The following KIRREL3 variants were observed in gnomAD, a reference collection of about 807,000 sequenced individuals.
The protein encoded by KIRREL3 is kin of IRRE-like protein 3.
KIRREL3 carries 36 observed loss-of-function variants against 89.7 expected under a neutral mutation model. The observed-to-expected ratio is 0.40, with a 90% CI of 0.31 to 0.53. The LOEUF is 0.53. Ranked by LOEUF, KIRREL3 falls within the 20% of genes least tolerant of loss-of-function variation. The pLI, the probability that KIRREL3 is intolerant of heterozygous loss-of-function variation, is 0.49. For missense variants in KIRREL3, 864 were observed against 1,056.6 expected (o/e 0.82, Z 2.53); for synonymous variants, 445 against 441.4 (o/e 1.01, Z -0.10).
chr11:126,690,197 G>C (rs1158379619), intron 1 of KIRREL3, among the ~76,000 whole-genome samples: 1 of 152,180 alleles, frequency 6.6e-6, no homozygotes, highest in African/African-American at 2.4e-5. Context: ...CACTGGCAGT[G>C]AGTGTTTATG....
chr11:126,929,839 G>T (rs573027174), intron 1 of KIRREL3, among the ~76,000 whole-genome samples: 1 of 152,198 alleles, frequency 6.6e-6, no homozygotes, highest in African/African-American at 2.4e-5. Flanking sequence ...GCTCCTCTGC[G>T]CTCTCTTTCC....
At chr11:126,712,027 C>G (rs1473427004) in intron 1 of KIRREL3, among the ~76,000 whole-genome samples, 1 of 152,212 alleles carries the variant, frequency 6.6e-6, no homozygotes, top group East Asian at 1.9e-4. Flanking sequence ...CAAGGTGGTC[C>G]GGGCCTTCTG....
rs1219371677 is a variant in KIRREL3, at chr11:126,807,639, T to G, written c.55+192816A>C. Among the ~76,000 whole-genome samples, 1 of 152,176 alleles carries G rather than the reference T, an allele frequency of 6.6e-6. No homozygotes were observed. Among genetic ancestry groups the G allele is most frequent in the Non-Finnish European group, 1.5e-5 (1 of 68,028 alleles). ...CTTCCCCATCTCCATGCCTTTAAAC[T>G]TGTCACAGTTCCTGCCTGGAGTGCT... On this transcript the variant is annotated intron_variant, in intron 1 of 16. Coordinates refer to ENST00000525144, the MANE Select transcript of KIRREL3 (RefSeq NM_032531.4). This position sits in a 1 kb window ranked among gnomAD's most constrained non-coding sequence, Gnocchi z 4.3.
Position 126,475,120 on chromosome 11 carries a change from G to A in KIRREL3, c.434-1654C>T, listed in dbSNP as rs1957028588. 6.6e-6 allele frequency among the ~76,000 whole-genome samples: 1 copy of A among 152,184 alleles called. No individual in the cohort carries two copies. Among genetic ancestry groups the A allele is most frequent in the African/African-American group, 2.4e-5 (1 of 41,442 alleles). On this transcript the variant is annotated intron_variant, in intron 4 of 16. Coordinates refer to ENST00000525144, the MANE Select transcript of KIRREL3 (RefSeq NM_032531.4). The surrounding 1 kb of genome is among the most constrained non-coding windows in gnomAD (Gnocchi z 7.5). ...ACAGAAGGGGTAGTTGGATAACGGG[G>A]GCGTGGGAACCTAGCACAAAGGGTC...
chr11:126,862,249 C>T (rs1418373078), intron 1 of KIRREL3, among the ~76,000 whole-genome samples: 1 of 152,242 alleles, frequency 6.6e-6, no homozygotes, highest in African/African-American at 2.4e-5. Flanking sequence ...GTAGTCTCTT[C>T]AGCCCCATTA....
chr11:126,434,238 C>A (rs747160504), intron 13 of KIRREL3, among the ~76,000 whole-genome samples: 1 of 152,240 alleles, frequency 6.6e-6, no homozygotes, highest in South Asian at 2.1e-4. Context: ...AGCCTCCCCT[C>A]CATCCAAGGA....
At chr11:126,799,797 AT>A (rs1184375105) in intron 1 of KIRREL3, among the ~76,000 whole-genome samples, 4 of 152,040 alleles carry the variant, frequency 2.6e-5, no homozygotes, top group African/African-American at 7.3e-5. Flanking sequence ...GCCCTGAGTG[AT>A]TTCTTATGGA....
In KIRREL3 at chr11:126,662,041, C is replaced by T. The variant is rs146588494; in HGVS notation, c.56-99129G>A. On this transcript the variant is annotated intron_variant, in intron 1 of 16. Coordinates refer to ENST00000525144, the MANE Select transcript of KIRREL3 (RefSeq NM_032531.4). ...GGGAGAAAAAAGGAGAGAGCCAAAA[C>T]GCCCATTGAGAGGAAGGGAATAAGA... is the stretch of plus-strand genomic sequence containing the variant. Among the ~76,000 whole-genome samples the T allele has an allele frequency of 8.4e-4, 128 of 152,206 alleles. 2 individuals are homozygous for T. Among genetic ancestry groups the T allele is most frequent in the East Asian group, 1.5e-3 (8 of 5,174 alleles).
rs1006918485 is a variant in KIRREL3, at chr11:126,484,291, C to T, written c.434-10825G>A. Among the ~76,000 whole-genome samples the T allele has an allele frequency of 1.3e-5, 2 of 152,148 alleles. No individual in the cohort carries two copies. Among genetic ancestry groups the T allele is most frequent in the African/African-American group, 4.8e-5 (2 of 41,428 alleles). On this transcript the variant is annotated intron_variant, in intron 4 of 16. Transcript: ENST00000525144. The surrounding 1 kb of genome is among the most constrained non-coding windows in gnomAD (Gnocchi z 5.2). Reference sequence around the variant, plus strand: ...AGTCCTGGCGCCTCTTTGCCTGTCTCCCATTGCCTAGTATGTTACCTTGGA... The same window carrying T: ...AGTCCTGGCGCCTCTTTGCCTGTCTTCCATTGCCTAGTATGTTACCTTGGA...
intron 1 of KIRREL3, among the ~76,000 whole-genome samples, chr11:126,591,579 GC>G (rs1195888472): frequency 6.6e-6 from 1 of 152,200 alleles, no homozygotes; most frequent in Admixed American, 6.5e-5. Context: ...GCTCTGCCTT[GC>G]ACCTGGACCT....
chr11:126,536,167 G>T (rs1937851687), intron 2 of KIRREL3, among the ~76,000 whole-genome samples: 2 of 152,192 alleles, frequency 1.3e-5, no homozygotes, highest in Non-Finnish European at 1.5e-5. Context: ...ATGTTGGAAA[G>T]CATAGGCCCT....
chr11:126,886,582 C>T lies in KIRREL3; in HGVS notation c.55+113873G>A, dbSNP rs1320142876. ...TGGATAATTCAGTAATTAGTATGCA[C>T]ATCTAACTTCATGCAGCCTCTGTTG... On this transcript the variant is annotated intron_variant, in intron 1 of 16. Transcript: ENST00000525144. Among the ~76,000 whole-genome samples the T allele has an allele frequency of 3.9e-5, 6 of 152,320 alleles. No homozygotes were observed. In the South Asian group the frequency reaches 8.3e-4, roughly 21 times the overall value.
At chr11:126,952,075 A>T (rs959874062) in intron 1 of KIRREL3, among the ~76,000 whole-genome samples, 7 of 152,160 alleles carry the variant, frequency 4.6e-5, no homozygotes, top group Admixed American at 3.9e-4. Flanking sequence ...ATAGAGGAAA[A>T]ATGAGGGCTT....
Position 126,965,459 on chromosome 11 carries a change from T to C in KIRREL3, c.55+34996A>G, listed in dbSNP as rs540466380. Among the ~76,000 whole-genome samples the C allele has an allele frequency of 6.6e-6, 1 of 152,302 alleles. No homozygotes were observed. The highest frequency in any genetic ancestry group is 2.1e-4 in the South Asian group (1 of 4,824). On this transcript the variant is annotated intron_variant, in intron 1 of 16. Coordinates refer to ENST00000525144, the MANE Select transcript of KIRREL3 (RefSeq NM_032531.4). This position sits in a 1 kb window ranked among gnomAD's most constrained non-coding sequence, Gnocchi z 4.4. Reference sequence around the variant, plus strand: ...CATAATCATTATCATCACATTCTAATTCTCATACAATACCTCTTCTCAGTA... The same window carrying C: ...CATAATCATTATCATCACATTCTAACTCTCATACAATACCTCTTCTCAGTA...
chr11:126,499,523 C>T (rs900843707), intron 4 of KIRREL3, among the ~76,000 whole-genome samples: 1 of 152,208 alleles, frequency 6.6e-6, no homozygotes, highest in African/African-American at 2.4e-5. Flanking sequence ...CAGCCAAATT[C>T]AGATGCTCCA....
In KIRREL3 at chr11:126,969,663, A is replaced by C. The variant is rs1949375349; in HGVS notation, c.55+30792T>G. Reference sequence around the variant, plus strand: ...TGTGAGAAGTGAAAAGGCTCGGGTGAACTGTGATGGTAGCCATGATGCTTT... The same window carrying C: ...TGTGAGAAGTGAAAAGGCTCGGGTGCACTGTGATGGTAGCCATGATGCTTT... On this transcript the variant is annotated intron_variant, in intron 1 of 16. Transcript: ENST00000525144. The surrounding 1 kb of genome is among the most constrained non-coding windows in gnomAD (Gnocchi z 4.9). Among the ~76,000 whole-genome samples, 2 of 152,268 alleles carry C rather than the reference A, an allele frequency of 1.3e-5. No individual in the cohort carries two copies. The highest frequency in any genetic ancestry group is 4.1e-4 in the South Asian group (2 of 4,824).
chr11:126,543,408 G>T (rs1938528806), intron 2 of KIRREL3, among the ~76,000 whole-genome samples: 2 of 152,152 alleles, frequency 1.3e-5, no homozygotes, highest in Non-Finnish European at 2.9e-5. Context: ...CTGAGAAATA[G>T]AAAATCTTTC....
intron 1 of KIRREL3, among the ~76,000 whole-genome samples, chr11:126,913,773 T>C (rs981806797): frequency 2.6e-5 from 4 of 152,066 alleles, no homozygotes; most frequent in Non-Finnish European, 5.9e-5. Flanking sequence ...GAGACTACCA[T>C]ATAAGAGCTG....
At chr11:126,665,318 C>A (rs1302165641) in intron 1 of KIRREL3, among the ~76,000 whole-genome samples, 1 of 152,166 alleles carries the variant, frequency 6.6e-6, no homozygotes, top group Non-Finnish European at 1.5e-5. Context: ...AAAAATTCTA[C>A]TATAAGAATA....
Sources: gnomAD v4.1 joint callset for allele counts (sites outside exome capture counted in the v4.1 genomes callset) on GRCh38, gnomAD v4.1.1 for gene constraint, Gnocchi (gnomAD v3.1) non-coding constraint, MANE v1.5 for transcripts, NCBI Gene and HGNC (gene_info 2026-07-23, HGNC 2026-07-21) for gene names.